Variants in ANO1 observed in about 807,000 individuals in gnomAD.
ANO1 encodes the protein anoctamin 1, also known as anoctamin-1.
In ANO1, 59 loss-of-function variants were observed where a neutral mutation model predicts 124.0. The ratio of observed to expected loss-of-function variants is 0.48; its 90% CI spans 0.39 to 0.59. The LOEUF (loss-of-function observed/expected upper bound fraction) is 0.59. ANO1 is among the 20% of genes least tolerant of loss of function. The probability of loss-of-function intolerance (pLI) is 0.00; values close to 1 mark genes in which losing one functional copy is unlikely to be tolerated. For synonymous variants in ANO1, 529 were observed against 532.0 expected, an observed-to-expected ratio of 0.99 and a Z score of 0.08; for missense variants, 1,059 against 1,328.0, an observed-to-expected ratio of 0.80 and a Z score of 3.15.
At chr11:69,981,051 CA>C (rs1458359384), upstream of ANO1, among the ~76,000 whole-genome samples, 4 of 151,728 alleles carry the variant, frequency 2.6e-5, no homozygotes, top group African/African-American at 9.7e-5. Context: ...GACTCCTTTA[CA>C]AAAAAATAAA....
intron 2 of ANO1, among the ~76,000 whole-genome samples, chr11:70,092,559 G>C (rs1039346136): frequency 6.6e-6 from 1 of 152,204 alleles, no homozygotes; most frequent in Non-Finnish European, 1.5e-5. Flanking sequence ...TGGGGGTCTT[G>C]TCAAAATGCA....
the ANO1 span, among the ~76,000 whole-genome samples, chr11:69,969,158 G>A: frequency 6.6e-5 from 10 of 152,208 alleles, no homozygotes; most frequent in Non-Finnish European, 1.5e-4. Context: ...GGGCTGCAGG[G>A]CCACGGGAGG....
intron 5 of ANO1, among the ~76,000 whole-genome samples, chr11:70,107,608 G>A (rs1287375251): frequency 1.3e-5 from 2 of 152,012 alleles, no homozygotes; most frequent in South Asian, 2.1e-4. Context: ...TGCATAGCAC[G>A]ACCAGTTCTT....
chr11:70,040,682 A>T (rs1015195361), intron 1 of ANO1, among the ~76,000 whole-genome samples: 11 of 152,176 alleles, frequency 7.2e-5, no homozygotes, highest in Non-Finnish European at 1.5e-4. Flanking sequence ...CTCAAATAGA[A>T]TAAAATAAAA....
At chr11:69,968,306 T>A in the ANO1 span, among the ~76,000 whole-genome samples, 1 of 152,050 alleles carries the variant, frequency 6.6e-6, no homozygotes, top group Non-Finnish European at 1.5e-5. Flanking sequence ...AGAGACCCCT[T>A]GGGCCAAAGC....
intron 15 of ANO1, 91 bp downstream of exon 15, chr11:70,156,079 A>ATT: frequency 9.6e-7 from 1 of 1,040,244 alleles, no homozygotes; most frequent in Non-Finnish European, 1.3e-6. Flanking sequence ...TGTTGTATAT[A>ATT]TTTTTTTTTA....
chr11:69,998,296 G>A (rs1591024319), intron 1 of ANO1, among the ~76,000 whole-genome samples: 2 of 152,284 alleles, frequency 1.3e-5, no homozygotes, highest in East Asian at 1.9e-4. Context: ...ACCCCAGAAC[G>A]TGGCCTCTTG....
chr11:70,167,780 C>T (rs1178955259), intron 21 of ANO1, among the ~76,000 whole-genome samples: 2 of 152,182 alleles, frequency 1.3e-5, no homozygotes, highest in Non-Finnish European at 2.9e-5. Context: ...CTTCCTCCTC[C>T]CTTAGTCTCC....
chr11:70,093,860 G>A (rs1228686119), intron 2 of ANO1, among the ~76,000 whole-genome samples: 3 of 152,246 alleles, frequency 2.0e-5, no homozygotes, highest in Non-Finnish European at 2.9e-5. Context: ...ACGCAACCTC[G>A]GGGCTCCGAG....
chr11:70,156,327 A>G (rs1434251356), intron 15 of ANO1, among the ~76,000 whole-genome samples: 1 of 152,132 alleles, frequency 6.6e-6, no homozygotes, highest in African/African-American at 2.4e-5. Context: ...GCCCGTCTGC[A>G]TTCTGTGACC....
At chr11:70,005,437 T>C (rs369822497) in intron 1 of ANO1, among the ~76,000 whole-genome samples, 56 of 152,348 alleles carry the variant, frequency 3.7e-4, no homozygotes, top group African/African-American at 1.3e-3. Context: ...TAAAACGTTC[T>C]TGTTGGCACA....
At chr11:70,156,731 C>T (rs2047830796) in intron 15 of ANO1, among the ~76,000 whole-genome samples, 1 of 152,224 alleles carries the variant, frequency 6.6e-6, no homozygotes, top group Non-Finnish European at 1.5e-5. Flanking sequence ...CTCCCGTTAT[C>T]CTGTGACATA....
chr11:70,047,095 AAAG>A (rs1449584569), intron 1 of ANO1, among the ~76,000 whole-genome samples: 2 of 151,386 alleles, frequency 1.3e-5, no homozygotes, highest in East Asian at 3.9e-4. Flanking sequence ...AAAAAAAAAA[AAAG>A]AAAAAGAAAG....
intron 16 of ANO1, among the ~76,000 whole-genome samples, chr11:70,159,948 G>A (rs867088492): frequency 3.3e-5 from 5 of 152,236 alleles, no homozygotes; most frequent in Non-Finnish European, 5.9e-5. Flanking sequence ...CAGTCACCAT[G>A]TGTCACTGGC....
chr11:70,163,415 G>A (rs1388842865), intron 19 of ANO1, 75 bp downstream of exon 19: 2 of 1,535,960 alleles, frequency 1.3e-6, no homozygotes, highest in Non-Finnish European at 1.8e-6. Flanking sequence ...GCACTTGGGA[G>A]AAGCAGCTGC....
At chr11:70,103,939 T>A in intron 3 of ANO1, 60 bp from the exon 4 acceptor site, 1 of 1,551,984 alleles carries the variant, frequency 6.4e-7, no homozygotes. Flanking sequence ...CGAGAACAGA[T>A]TCCACGGATC....
At chr11:70,049,108 C>T (rs75662220) in intron 1 of ANO1, among the ~76,000 whole-genome samples, 2,212 of 152,260 alleles carry the variant, frequency 0.015, 40 homozygotes, top group Non-Finnish European at 0.026. Flanking sequence ...TGTGACATCT[C>T]CTAGGTGGAA....
At chr11:70,127,826 TG>T (rs1308921294) in intron 10 of ANO1, among the ~76,000 whole-genome samples, 1 of 152,268 alleles carries the variant, frequency 6.6e-6, no homozygotes. Context: ...TCCCAACCTC[TG>T]GCAGGGTTTC....
intron 1 of ANO1, among the ~76,000 whole-genome samples, chr11:70,010,999 T>C (rs925877375): frequency 3.3e-5 from 5 of 152,246 alleles, no homozygotes; most frequent in African/African-American, 1.2e-4. Flanking sequence ...ATGTCTACAC[T>C]GCTCTGTGAA....
Sources: gnomAD v4.1 joint callset for allele counts (sites outside exome capture counted in the v4.1 genomes callset) on GRCh38, gnomAD v4.1.1 for gene constraint, MANE v1.5 for transcripts, NCBI Gene and HGNC (gene_info 2026-07-23, HGNC 2026-07-21) for gene names.